Variants in CCDC141 observed in about 807,000 individuals in gnomAD.
CCDC141 encodes the protein coiled-coil domain-containing protein 141.
In CCDC141, 168 loss-of-function variants were observed where a neutral mutation model predicts 181.0. The ratio of observed to expected loss-of-function variants is 0.93; its 90% confidence interval spans 0.82 to 1.05. CCDC141 has a LOEUF of 1.05. Ranked by LOEUF, CCDC141 falls within the 50% of genes least tolerant of loss-of-function variation. The pLI, the probability that CCDC141 is intolerant of heterozygous loss-of-function variation, is 0.00. For missense variants in CCDC141, 1,902 were observed against 1,788.5 expected (o/e 1.06, Z -1.14); for synonymous variants, 666 against 642.3 (o/e 1.04, Z -0.56).
rs1469963381 is a variant in CCDC141, at chr2:178,837,433, C to G, written c.3786G>C (p.Gln1262His). 2 of 1,613,940 alleles carry G rather than the reference C, an allele frequency of 1.2e-6. No individual in the cohort carries two copies. Among genetic ancestry groups the G allele is most frequent in the African/African-American group, 2.7e-5 (2 of 74,924 alleles). Reference sequence around the variant, plus strand: ...CAACAGGTGGTGGAAGAACAGATTCCTGGGCATCCCCTGGGCTGCTGGTCC... The same window carrying G: ...CAACAGGTGGTGGAAGAACAGATTCGTGGGCATCCCCTGGGCTGCTGGTCC... ...QAGTSSPGDAQESVLPPPVAF... is the reference protein window; with the variant it reads ...QAGTSSPGDAHESVLPPPVAF... Residue 1262 changes from glutamine (Q) to histidine (H), a missense_variant, in exon 23 of 24, where the codon CAG becomes CAC. Physicochemically the swap from Gln to His is conservative, Grantham distance 24. Coordinates refer to ENST00000443758, the MANE Select transcript of CCDC141 (RefSeq NM_173648.4).
chr2:178,835,420 G>T (rs1684437962), intron 23 of CCDC141, among the ~76,000 whole-genome samples: 1 of 152,170 alleles, frequency 6.6e-6, no homozygotes, highest in South Asian at 2.1e-4. Context: ...GTTTTATAAA[G>T]AAATAATTTT....
chr2:178,905,494 T>G lies in CCDC141; in HGVS notation c.1100A>C (p.Asp367Ala). ...GTAAGCTTCAACTCTTCCAAGTACA[T>G]CAAATGCCTGCCAAAGAAAACATAC... ...EFFNSANKAF[D>A]VLGRVEAYLK... Residue 367 changes from aspartate to alanine, a missense_variant, in exon 8 of 24, where the codon GAT becomes GCT. Transcript: ENST00000443758. 1 of 1,542,358 alleles carries G rather than the reference T, an allele frequency of 6.5e-7. No individual in the cohort carries two copies. Among genetic ancestry groups the G allele is most frequent in the South Asian group, 1.2e-5 (1 of 81,802 alleles).
intron 15 of CCDC141, among the ~76,000 whole-genome samples, chr2:178,868,409 A>G (rs1021669517): frequency 6.6e-6 from 1 of 151,992 alleles, no homozygotes; most frequent in Non-Finnish European, 1.5e-5. Context: ...CAGTTCCATT[A>G]AAGAAGGAAA....
At chr2:178,816,698 C>A in the CCDC141 span, among the ~76,000 whole-genome samples, 2 of 152,188 alleles carry the variant, frequency 1.3e-5, no homozygotes, top group Admixed American at 6.5e-5. Context: ...TCCTCACTAG[C>A]ATTTGGCTTT....
At chr2:178,839,352 G>T (rs1035639177) in intron 22 of CCDC141, among the ~76,000 whole-genome samples, 1 of 151,280 alleles carries the variant, frequency 6.6e-6, no homozygotes, top group African/African-American at 2.4e-5. Context: ...GGCAGAAGTT[G>T]CAGTGAGCCA....
At chr2:178,939,555 G>A (rs1217934492) in intron 6 of CCDC141, among the ~76,000 whole-genome samples, 1 of 152,036 alleles carries the variant, frequency 6.6e-6, no homozygotes, top group East Asian at 1.9e-4. Context: ...AGAAAAAACA[G>A]GATCCCATGG....
In CCDC141 at chr2:179,050,028, G is replaced by T; in HGVS notation, c.-87C>A. 6.5e-7 allele frequency: 1 copy of T among 1,535,060 alleles called. No homozygotes were observed. Among genetic ancestry groups the T allele is most frequent in the East Asian group, 2.5e-5 (1 of 40,672 alleles). ...CATTTCAGAAGGCCAGGGTTACTTG[G>T]ATTCATTCAGGGAAAGAGCTCAGCT... On this transcript the variant is annotated 5_prime_UTR_variant, in exon 1 of 24. Transcript: ENST00000443758.
intron 1 of CCDC141, among the ~76,000 whole-genome samples, chr2:179,048,785 G>T (rs550897819): frequency 6.6e-6 from 1 of 152,082 alleles, no homozygotes; most frequent in Non-Finnish European, 1.5e-5. Flanking sequence ...AATCCACCTC[G>T]GCAGGAATAC....
intron 4 of CCDC141, among the ~76,000 whole-genome samples, chr2:178,967,165 T>G (rs1364212917): frequency 2.0e-5 from 3 of 152,134 alleles, no homozygotes; most frequent in Admixed American, 1.3e-4. Flanking sequence ...TGGAACCAAG[T>G]TGGAAAACAC....
chr2:178,902,988 C>CA (rs1377879355), intron 8 of CCDC141, among the ~76,000 whole-genome samples: 1 of 148,786 alleles, frequency 6.7e-6, no homozygotes, highest in Admixed American at 7.0e-5. Context: ...TTTATGCAGC[C>CA]AAAAAACACA....
chr2:178,819,446 T>G, the CCDC141 span, among the ~76,000 whole-genome samples: 88 of 152,304 alleles, frequency 5.8e-4, no homozygotes, highest in African/African-American at 1.9e-3. Context: ...AAGAAAAAGT[T>G]TCAATAATTA....
At chr2:178,938,311 T>G (rs78031943) in intron 6 of CCDC141, among the ~76,000 whole-genome samples, 1 of 152,140 alleles carries the variant, frequency 6.6e-6, no homozygotes, top group African/African-American at 2.4e-5. Flanking sequence ...TCTCATTAGT[T>G]CCAAAGAACT....
chr2:178,822,261 G>A, the CCDC141 span, among the ~76,000 whole-genome samples: 1 of 151,650 alleles, frequency 6.6e-6, no homozygotes, highest in African/African-American at 2.4e-5. Context: ...CTGTTGTGGG[G>A]TGGGGGGAGT....
chr2:178,928,633 G>C (rs779386309), intron 6 of CCDC141, among the ~76,000 whole-genome samples: 1 of 152,186 alleles, frequency 6.6e-6, no homozygotes, highest in South Asian at 2.1e-4. Context: ...TAAACTTAAC[G>C]AGCTGGTAAA....
chr2:178,942,060 C>A (rs1441588241), intron 6 of CCDC141, among the ~76,000 whole-genome samples: 1 of 145,140 alleles, frequency 6.9e-6, no homozygotes, highest in African/African-American at 2.5e-5. Flanking sequence ...TTCTATGCCT[C>A]ACTTTTCAAA....
At chr2:178,839,999 T>C (rs1317278378) in intron 22 of CCDC141, among the ~76,000 whole-genome samples, 3 of 152,346 alleles carry the variant, frequency 2.0e-5, no homozygotes, top group African/African-American at 7.2e-5. Flanking sequence ...TTTGAGAATG[T>C]GTGCCTTACT....
chr2:178,980,107 A>G (rs752593752), intron 2 of CCDC141, among the ~76,000 whole-genome samples: 7 of 152,178 alleles, frequency 4.6e-5, no homozygotes, highest in Non-Finnish European at 7.4e-5. Context: ...TGATTAATTA[A>G]AAACCCAATG....
At chr2:179,045,245 G>C (rs1479408667) in intron 2 of CCDC141, among the ~76,000 whole-genome samples, 1 of 143,738 alleles carries the variant, frequency 7.0e-6, no homozygotes, top group Admixed American at 7.1e-5. Flanking sequence ...TCCCACCTAT[G>C]AGTGAGAATA....
In CCDC141 at chr2:178,829,937, A is replaced by G. The variant is rs1480252348; in HGVS notation, c.*4236T>C. On this transcript the variant is annotated 3_prime_UTR_variant, in exon 24 of 24. Transcript: ENST00000443758. ...GATATTCTTTCCTTTCTTCATTTGG[A>G]ATTCAAATACTCTTAAGTTCTTGGA... is the stretch of plus-strand genomic sequence containing the variant. 1 of 152,244 alleles carries G rather than the reference A, an allele frequency of 6.6e-6. No homozygotes were observed. The highest frequency in any genetic ancestry group is 6.5e-5 in the Admixed American group (1 of 15,280). 9.4% of individuals were successfully genotyped at this position (152,244 alleles called of 1,614,324 possible).
Sources: gnomAD v4.1 joint callset for allele counts (sites outside exome capture counted in the v4.1 genomes callset) on GRCh38, gnomAD v4.1.1 for gene constraint, MANE v1.5 for transcripts, NCBI Gene and HGNC (gene_info 2026-07-23, HGNC 2026-07-21) for gene names.